The following DNAH17 variants were observed in gnomAD, a reference collection of about 807,000 sequenced individuals.
DNAH17 encodes the protein dynein axonemal heavy chain 17, also known as axonemal beta dynein heavy chain 17.
Under a neutral mutation model 485.6 loss-of-function variants are expected in DNAH17, and 376 were observed. The observed-to-expected ratio is 0.77, with a 90% CI of 0.71 to 0.84. The LOEUF is 0.84. DNAH17 is among the 40% of genes least tolerant of loss of function. The pLI is 0.00. For synonymous variants in DNAH17, 3,031 were observed against 2,405.9 expected, an observed-to-expected ratio of 1.26 and a Z score of -7.60; for missense variants, 6,370 against 5,839.3, an observed-to-expected ratio of 1.09 and a Z score of -2.96.
At chr17:78,494,334 G>C in intron 40 of DNAH17, 161 bp from the exon 41 acceptor site, 1 of 1,179,714 alleles carries the variant, frequency 8.5e-7, no homozygotes, top group Non-Finnish European at 1.2e-6. Context: ...GCCGAGAGTT[G>C]ACATAGCTCC....
chr17:78,557,743 G>A lies in DNAH17; in HGVS notation c.2178+365C>T, dbSNP rs183646211. Among the ~76,000 whole-genome samples the A allele has an allele frequency of 4.5e-3, 623 of 139,058 alleles. 5 individuals carry two copies. Among genetic ancestry groups the A allele is most frequent in the African/African-American group, 0.016 (590 of 37,608 alleles). The allele number at this position is 139,058 out of a possible 152,430, so 91.2% of individuals were successfully genotyped here. A position where few individuals can be genotyped will look rare whatever the true frequency, so the allele number is the denominator to read the frequency against. ...GTCATCACTATCTTTGCTGCTATTTGCATGAATAATGAAGACTGGCTTGAA... is the reference window on the plus strand; with the variant it reads ...GTCATCACTATCTTTGCTGCTATTTACATGAATAATGAAGACTGGCTTGAA... On this transcript the variant is annotated intron_variant, in intron 14 of 80. Transcript: ENST00000389840.
At position 78,507,342 on chromosome 17, in the gene DNAH17, G is replaced by A. The variant is rs750785468; in HGVS notation, c.4612C>T (p.Pro1538Ser). 4 of 1,613,916 alleles carry A rather than the reference G, an allele frequency of 2.5e-6. No individual in the cohort carries two copies. The East Asian group carries it at 6.7e-5, about 27-fold the overall frequency. ...TTGCTGGTGGCTTCCACCACGTTGG[G>A]TGTTTTCACTGCATCTTCCATCAAG... ...KALMEDAVKT[P>S]NVVEATSKPG... The change falls in exon 29 of 81, where the codon CCC becomes TCC. Residue 1538 changes from proline to serine, a missense_variant. By Grantham distance (74) the Pro-to-Ser change is moderately conservative. Coordinates refer to ENST00000389840, the MANE Select transcript of DNAH17 (RefSeq NM_173628.4).
intron 30 of DNAH17, 52 bp from the exon 31 acceptor site, chr17:78,505,497 G>A: frequency 6.2e-7 from 1 of 1,611,788 alleles, no homozygotes; most frequent in Non-Finnish European, 8.5e-7. Context: ...TGAAAGGCAT[G>A]TGCGTGGCTT....
At chr17:78,532,936 C>A (rs2091280432) in intron 19 of DNAH17, 200 bp from the exon 20 acceptor site, 2 of 564,476 alleles carry the variant, frequency 3.5e-6, no homozygotes, top group Non-Finnish European at 3.1e-6. Flanking sequence ...GGGAGGTCAC[C>A]ATACTGATGC....
chr17:78,509,386 T>C (rs1244245810), intron 27 of DNAH17, among the ~76,000 whole-genome samples: 2 of 152,180 alleles, frequency 1.3e-5, no homozygotes, highest in African/African-American at 4.8e-5. Context: ...CCCAAAGTGC[T>C]GGGATTATAG....
At chr17:78,496,060 A>T in intron 37 of DNAH17, 28 bp from the exon 38 acceptor site, 1 of 1,601,072 alleles carries the variant, frequency 6.2e-7, no homozygotes, top group Non-Finnish European at 8.5e-7. Context: ...CAGACATGTT[A>T]GCATGGAAAT....
Position 78,480,679 on chromosome 17 carries a change from C to T in DNAH17, c.7752+5G>A. Reference sequence around the variant, plus strand: ...GTGACGGGGATGAGTATGGTTTCTGCTTACCTGAAGCCTGGAGTCGATGGT... The same window carrying T: ...GTGACGGGGATGAGTATGGTTTCTGTTTACCTGAAGCCTGGAGTCGATGGT... On this transcript the variant is annotated splice_donor_5th_base_variant and intron_variant, in intron 49 of 80. Transcript: ENST00000389840. The T allele has an allele frequency of 6.2e-7, 1 of 1,612,362 alleles. No individual in the cohort carries two copies. Among genetic ancestry groups the T allele is most frequent in the Non-Finnish European group, 8.5e-7 (1 of 1,179,000 alleles).
intron 24 of DNAH17, among the ~76,000 whole-genome samples, chr17:78,525,634 G>A (rs571609211): frequency 2.0e-5 from 3 of 152,232 alleles, no homozygotes; most frequent in Non-Finnish European, 2.9e-5. Flanking sequence ...GCGTGGACAC[G>A]TAACAGGCAG....
intron 80 of DNAH17, chr17:78,425,048 CT>C: frequency 3.9e-6 from 1 of 253,728 alleles, no homozygotes; most frequent in Non-Finnish European, 7.6e-6. Flanking sequence ...CTTTTCAGCG[CT>C]TTTCATCACG....
At position 78,541,756 on chromosome 17, in the gene DNAH17, T is replaced by G. The variant is rs563335626; in HGVS notation, c.2533-1876A>C. 9.9e-5 allele frequency among the ~76,000 whole-genome samples: 15 copies of G among 152,230 alleles called. No individual in the cohort carries two copies. In the East Asian group the frequency reaches 2.9e-3, roughly 29 times the overall value. ...CTGCCCTCTTGCTATGCTCCTGCCC[T>G]CTGAAACTTTACTAACCCTAAGTCA... On this transcript the variant is annotated intron_variant, in intron 17 of 80. Coordinates refer to ENST00000389840, the MANE Select transcript of DNAH17 (RefSeq NM_173628.4).
intron 56 of DNAH17, among the ~76,000 whole-genome samples, chr17:78,466,405 C>G (rs1177751526): frequency 6.6e-6 from 1 of 151,856 alleles, no homozygotes; most frequent in Non-Finnish European, 1.5e-5. Flanking sequence ...GCCAAGTCCC[C>G]CTCTGTGAGA....
intron 16 of DNAH17, among the ~76,000 whole-genome samples, chr17:78,544,898 A>C (rs1156861641): frequency 6.6e-6 from 1 of 150,978 alleles, no homozygotes; most frequent in African/African-American, 2.4e-5. Context: ...TTTTCCCTAC[A>C]CATCTCCATT....
chr17:78,571,063 G>T, intron 5 of DNAH17, 30 bp from the exon 6 acceptor site: 1 of 1,547,446 alleles, frequency 6.5e-7, no homozygotes, highest in Non-Finnish European at 8.8e-7. Context: ...GTGCCCACCG[G>T]TAAGAGAGCA....
In DNAH17 at chr17:78,545,132, T is replaced by C. The variant is rs570511552; in HGVS notation, c.2392-1135A>G. 7.9e-5 allele frequency among the ~76,000 whole-genome samples: 12 copies of C among 152,314 alleles called. No individual in the cohort carries two copies. In the East Asian group the frequency reaches 2.3e-3, roughly 29 times the overall value. On this transcript the variant is annotated intron_variant, in intron 16 of 80. Coordinates refer to ENST00000389840, the MANE Select transcript of DNAH17 (RefSeq NM_173628.4). ...GCCTCTGTGACTCTGGGGTGAACGATGAAGACTTAGATCACCCGCCTCCCT... is the reference window on the plus strand; with the variant it reads ...GCCTCTGTGACTCTGGGGTGAACGACGAAGACTTAGATCACCCGCCTCCCT...
At chr17:78,449,707 T>A in intron 68 of DNAH17, 123 bp from the exon 69 acceptor site, 1 of 1,022,308 alleles carries the variant, frequency 9.8e-7, no homozygotes, top group Non-Finnish European at 1.4e-6. Flanking sequence ...AGACAGAGTC[T>A]TGCTCTGTCG....
intron 14 of DNAH17, among the ~76,000 whole-genome samples, chr17:78,554,378 A>T (rs1598717359): frequency 1.5e-5 from 2 of 135,982 alleles, no homozygotes; most frequent in Non-Finnish European, 3.1e-5. Context: ...TGAAGGTTGC[A>T]GTGAGCCAAG....
At chr17:78,487,931 G>A (rs553978577) in intron 44 of DNAH17, among the ~76,000 whole-genome samples, 7 of 152,328 alleles carry the variant, frequency 4.6e-5, no homozygotes, top group Admixed American at 1.3e-4. Context: ...ATAGCACCCT[G>A]TATTATCCAG....
At chr17:78,503,768 C>T (rs534382844) in intron 31 of DNAH17, among the ~76,000 whole-genome samples, 2 of 152,014 alleles carry the variant, frequency 1.3e-5, no homozygotes, top group East Asian at 3.9e-4. Flanking sequence ...GAGTTCAAAA[C>T]CAGCCTGGCC....
chr17:78,477,323 G>A (rs1337354421), intron 51 of DNAH17, among the ~76,000 whole-genome samples: 1 of 152,140 alleles, frequency 6.6e-6, no homozygotes, highest in Non-Finnish European at 1.5e-5. Context: ...CAGAGTGTGA[G>A]GGCTGAGGAG....
Sources: allele counts gnomAD v4.1 joint callset (sites outside exome capture counted in the v4.1 genomes callset), GRCh38; gene constraint gnomAD v4.1.1; transcripts MANE v1.5; gene names NCBI Gene and HGNC (gene_info 2026-07-23, HGNC 2026-07-21).